The following OTUD7A variants were observed in gnomAD, a reference collection of about 807,000 sequenced individuals.
OTUD7A encodes the protein OTU domain-containing protein 7A.
Under a neutral mutation model 65.7 loss-of-function variants are expected in OTUD7A, and 12 were observed. The ratio of observed to expected loss-of-function variants is 0.18; its 90% CI spans 0.12 to 0.30. OTUD7A has a LOEUF of 0.30. Ranked by LOEUF, OTUD7A falls within the 10% of genes least tolerant of loss-of-function variation. OTUD7A has a pLI of 1.00. For missense variants in OTUD7A, 1,148 were observed against 1,304.8 expected, an observed-to-expected ratio of 0.88 and a Z score of 1.85; for synonymous variants, 641 against 586.3, an observed-to-expected ratio of 1.09 and a Z score of -1.35.
At chr15:31,664,545 T>C (rs1349741892) in intron 1 of OTUD7A, among the ~76,000 whole-genome samples, 1 of 152,142 alleles carries the variant, frequency 6.6e-6, no homozygotes, top group African/African-American at 2.4e-5. Context: ...TTGTGGTAGA[T>C]TCTGGATATT....
At chr15:31,702,434 A>G (rs1893233034) in intron 1 of OTUD7A, among the ~76,000 whole-genome samples, 1 of 150,526 alleles carries the variant, frequency 6.6e-6, no homozygotes, top group Non-Finnish European at 1.5e-5. Flanking sequence ...CACAAGGTCA[A>G]CATAAAAATC....
chr15:31,550,610 T>G (rs982177010), intron 5 of OTUD7A, among the ~76,000 whole-genome samples: 5 of 152,104 alleles, frequency 3.3e-5, no homozygotes, highest in Non-Finnish European at 7.4e-5. Context: ...GGGGACACCT[T>G]AATTTCAGCC....
chr15:31,592,879 C>CAAATAAA lies in OTUD7A; in HGVS notation c.152-22683_152-22682insTTTATTT, dbSNP rs1453670641. ...TGGGTGACAGAGCAAGGCTCTGTCT[C>CAAATAAA]AAAAAAAAAAAAAAAAAAAAAAAAA... On this transcript the variant is annotated intron_variant, in intron 3 of 12. Coordinates refer to ENST00000307050, the MANE Select transcript of OTUD7A (RefSeq NM_001382637.1). Among the ~76,000 whole-genome samples the CAAATAAA allele has an allele frequency of 1.4e-3, 12 of 8,528 alleles. 1 individual carries two copies. The highest frequency in any genetic ancestry group is 0.17 in the Middle Eastern group (1 of 6). The allele number at this position is 8,528 out of a possible 152,430, so 5.6% of individuals were successfully genotyped here.
chr15:31,735,985 T>C (rs554649455), intron 1 of OTUD7A, among the ~76,000 whole-genome samples: 1 of 152,288 alleles, frequency 6.6e-6, no homozygotes, highest in South Asian at 2.1e-4. Context: ...CCACATGTTC[T>C]CACTTATAAG....
intron 1 of OTUD7A, among the ~76,000 whole-genome samples, chr15:31,762,096 A>G (rs2140904567): frequency 6.6e-6 from 1 of 152,360 alleles, no homozygotes; most frequent in African/African-American, 2.4e-5. Flanking sequence ...CTGTGAATAT[A>G]CTAAAAATCA....
intron 3 of OTUD7A, among the ~76,000 whole-genome samples, chr15:31,627,501 T>C (rs1257907359): frequency 1.3e-5 from 2 of 152,054 alleles, no homozygotes; most frequent in Non-Finnish European, 2.9e-5. Flanking sequence ...TGTTGGACAT[T>C]TGGGTTGGTT....
At chr15:31,547,713 C>T (rs1566913546) in intron 5 of OTUD7A, among the ~76,000 whole-genome samples, 1 of 152,172 alleles carries the variant, frequency 6.6e-6, no homozygotes, top group East Asian at 1.9e-4. Context: ...TTTTACAGGA[C>T]TGTTAAAGAA....
chr15:31,672,008 G>C (rs1389848809), intron 1 of OTUD7A, among the ~76,000 whole-genome samples: 1 of 152,172 alleles, frequency 6.6e-6, no homozygotes, highest in Admixed American at 6.5e-5. Flanking sequence ...TTTTAAGTAA[G>C]AACACGCGGC....
chr15:31,786,618 C>T (rs1895681097), intron 1 of OTUD7A, among the ~76,000 whole-genome samples: 1 of 152,142 alleles, frequency 6.6e-6, no homozygotes, highest in Non-Finnish European at 1.5e-5. Context: ...CCTGCTGCCC[C>T]TCCACCCTTT....
Position 31,527,175 on chromosome 15 carries a change from A to G in OTUD7A, c.780+6T>C. On this transcript the variant is annotated splice_donor_region_variant and intron_variant, in intron 7 of 12. Transcript: ENST00000307050. ...CCGGGCTCTGGCCATGCCAGTGGAT[A>G]CCAACCTCCTTATTCTGCTGCGTCT... The G allele has an allele frequency of 6.2e-7, 1 of 1,613,984 alleles. No homozygotes were observed. The highest frequency in any genetic ancestry group is 8.5e-7 in the Non-Finnish European group (1 of 1,179,978).
chr15:31,610,895 C>T (rs898869186), intron 3 of OTUD7A, among the ~76,000 whole-genome samples: 8 of 151,650 alleles, frequency 5.3e-5, no homozygotes, highest in Non-Finnish European at 8.8e-5. Flanking sequence ...TCCCAAAGTG[C>T]TGGGATTACA....
chr15:31,752,568 A>G (rs1199089198), intron 1 of OTUD7A, among the ~76,000 whole-genome samples: 1 of 152,216 alleles, frequency 6.6e-6, no homozygotes, highest in Non-Finnish European at 1.5e-5. Context: ...TACATCATGC[A>G]TTAGTCATCT....
intron 10 of OTUD7A, among the ~76,000 whole-genome samples, chr15:31,495,374 C>A (rs2041368840): frequency 1.3e-5 from 2 of 152,338 alleles, no homozygotes; most frequent in Admixed American, 1.3e-4. Flanking sequence ...GAAGACAGAG[C>A]TCCATAGCCA....
At chr15:31,617,365 T>C (rs758132046) in intron 3 of OTUD7A, among the ~76,000 whole-genome samples, 3 of 152,090 alleles carry the variant, frequency 2.0e-5, no homozygotes, top group Non-Finnish European at 4.4e-5. Flanking sequence ...CAGGTGCCTG[T>C]AGTCCCAGCT....
intron 5 of OTUD7A, among the ~76,000 whole-genome samples, chr15:31,541,037 A>G (rs1362111308): frequency 3.3e-5 from 5 of 152,236 alleles, no homozygotes; most frequent in African/African-American, 1.2e-4. Context: ...GTGAATTGGA[A>G]ATCTAAAGAA....
intron 1 of OTUD7A, among the ~76,000 whole-genome samples, chr15:31,679,315 G>A (rs1277740840): frequency 6.6e-6 from 1 of 152,136 alleles, no homozygotes; most frequent in East Asian, 1.9e-4. Context: ...AATAAGTTAA[G>A]ACTTTGGGGG....
chr15:31,636,726 A>C (rs1447205875), intron 3 of OTUD7A, among the ~76,000 whole-genome samples: 1 of 152,244 alleles, frequency 6.6e-6, no homozygotes, highest in African/African-American at 2.4e-5. Context: ...GTGCTACTCC[A>C]GTGAATACAC....
At chr15:31,726,347 GCACA>G (rs5811658) in intron 1 of OTUD7A, among the ~76,000 whole-genome samples, 299 of 149,804 alleles carry the variant, frequency 2.0e-3, no homozygotes, top group East Asian at 0.012. Context: ...ACACACACAC[GCACA>G]CACACACACA....
chr15:31,717,551 C>T (rs1409996852), intron 1 of OTUD7A, among the ~76,000 whole-genome samples: 8 of 152,150 alleles, frequency 5.3e-5, no homozygotes, highest in African/African-American at 1.9e-4. Flanking sequence ...TCATCCATGT[C>T]CCTACAAAGG....
Sources: allele counts gnomAD v4.1 joint callset (sites outside exome capture counted in the v4.1 genomes callset), GRCh38; gene constraint gnomAD v4.1.1; transcripts MANE v1.5; gene names NCBI Gene and HGNC (gene_info 2026-07-23, HGNC 2026-07-21).